The following CDH19 variants were observed in gnomAD, a reference collection of about 807,000 sequenced individuals.
The protein encoded by CDH19 is cadherin 19.
In CDH19, 67 loss-of-function variants were observed where a neutral mutation model predicts 64.2. The observed-to-expected ratio is 1.04, with a 90% CI of 0.86 to 1.28. The LOEUF (loss-of-function observed/expected upper bound fraction) is 1.28. Among genes scored for constraint, CDH19 ranks in the 50% most tolerant of loss-of-function variants. The pLI, the probability that CDH19 is intolerant of heterozygous loss-of-function variation, is 0.00. For synonymous variants in CDH19, 346 were observed against 319.3 expected (o/e 1.08, Z -0.89); for missense variants, 1,030 against 929.0 (o/e 1.11, Z -1.41).
chr18:66,561,050 T>A (rs1231000758), intron 3 of CDH19, among the ~76,000 whole-genome samples: 3 of 152,048 alleles, frequency 2.0e-5, no homozygotes, highest in African/African-American at 7.2e-5. Flanking sequence ...GTTTCTTAGT[T>A]TAACTATTTT....
chr18:66,586,743 GA>G (rs1988590631), intron 1 of CDH19, among the ~76,000 whole-genome samples: 1 of 151,902 alleles, frequency 6.6e-6, no homozygotes, highest in African/African-American at 2.4e-5. Flanking sequence ...GTATTTTTGT[GA>G]ATTTATTTAA....
rs774239132 is a variant in CDH19 at position 66,544,167 on chromosome 18, G to A, written c.1018C>T (p.His340Tyr). Residue 340 changes from histidine (H) to tyrosine (Y), a missense_variant, in exon 7 of 12, where the codon CAT (histidine) becomes TAT (tyrosine). His to Tyr is a moderately conservative substitution (Grantham distance 83). Transcript: ENST00000262150. ...YGIRAKVKNH[H>Y]VPEQLMKYHT... ...TACTTCATGAGCTGCTCAGGAACAT[G>A]ATGGTTTTTAACTTTTGCTCTAATA... The A allele has an allele frequency of 3.7e-6, 6 of 1,613,804 alleles. No individual in the cohort carries two copies. Among genetic ancestry groups the A allele is most frequent in the African/African-American group, 1.3e-5 (1 of 75,040 alleles).
chr18:66,580,970 G>T (rs1285623271), intron 1 of CDH19, among the ~76,000 whole-genome samples: 1 of 151,976 alleles, frequency 6.6e-6, no homozygotes, highest in Admixed American at 6.6e-5. Flanking sequence ...AAACACTCTG[G>T]GCTGAAACCA....
At chr18:66,537,117 C>T (rs1598991914) in intron 7 of CDH19, among the ~76,000 whole-genome samples, 1 of 151,768 alleles carries the variant, frequency 6.6e-6, no homozygotes, top group East Asian at 1.9e-4. Context: ...ATAAATTAAT[C>T]GCTATAATTT....
Position 66,531,999 on chromosome 18 carries a change from TTC to T in CDH19, c.1337-2035_1337-2034del, listed in dbSNP as rs557187413. On this transcript the variant is annotated intron_variant, in intron 8 of 11. Coordinates refer to ENST00000262150, the MANE Select transcript of CDH19 (RefSeq NM_021153.4). ...TGTGTAGGTTTATTGTTTTTAATCT[TTC>T]TCTCTCTCAGGCTGTAGTGCAGTGG... is the stretch of plus-strand genomic sequence containing the variant. Among the ~76,000 whole-genome samples the T allele has an allele frequency of 3.0e-4, 45 of 152,160 alleles. No individual in the cohort carries two copies. The South Asian group carries it at 9.3e-3, about 32-fold the overall frequency.
Position 66,535,090 on chromosome 18 carries a change from C to A in CDH19, c.1232G>T (p.Ser411Ile). ...ATTATCATTGATATTGAACACTTTG[C>A]TCCTAGTAATAGAATACCTGAACCA... Reference protein sequence around the residue: ...KSPIRYSITRSKVFNINDNGT... With the variant: ...KSPIRYSITRIKVFNINDNGT... Residue 411 changes from serine (S) to isoleucine (I), a missense_variant, in exon 8 of 12, where the codon AGC becomes ATC. Physicochemically the swap from Ser to Ile is moderately radical, Grantham distance 142. Transcript: ENST00000262150. 1 of 1,486,166 alleles carries A rather than the reference C, an allele frequency of 6.7e-7. No individual in the cohort carries two copies. Among genetic ancestry groups the A allele is most frequent in the South Asian group, 1.4e-5 (1 of 72,622 alleles). 92.1% of individuals were successfully genotyped at this position (1,486,166 alleles called of 1,614,324 possible).
intron 3 of CDH19, among the ~76,000 whole-genome samples, chr18:66,566,806 A>T (rs1251625413): frequency 6.6e-6 from 1 of 151,870 alleles, no homozygotes; most frequent in Non-Finnish European, 1.5e-5. Flanking sequence ...TTTGCTTAAC[A>T]GTCAAGTCAG....
At chr18:66,594,921 G>T (rs1021969648) in intron 1 of CDH19, among the ~76,000 whole-genome samples, 3 of 150,822 alleles carry the variant, frequency 2.0e-5, no homozygotes, top group African/African-American at 7.3e-5. Flanking sequence ...CGAGTTAGTG[G>T]GTGCAGCGCA....
At chr18:66,513,674 G>A (rs572548214) in intron 9 of CDH19, among the ~76,000 whole-genome samples, 144 of 151,234 alleles carry the variant, frequency 9.5e-4, no homozygotes, top group African/African-American at 3.4e-3. Flanking sequence ...ATGTTGTATT[G>A]GTTGCTATTT....
chr18:66,579,173 C>T (rs557549965), intron 1 of CDH19, among the ~76,000 whole-genome samples: 51 of 151,846 alleles, frequency 3.4e-4, no homozygotes, highest in Admixed American at 1.2e-3. Context: ...AAAATCTTGA[C>T]TTGTCAAAAC....
chr18:66,602,372 G>C (rs1862047800), intron 1 of CDH19, among the ~76,000 whole-genome samples: 1 of 151,892 alleles, frequency 6.6e-6, no homozygotes, highest in South Asian at 2.1e-4. Context: ...ATTCCTGAAA[G>C]ATGGATCTGG....
Position 66,550,190 on chromosome 18 carries a change from A to G in CDH19, c.775+904T>C, listed in dbSNP as rs1987289230. Among the ~76,000 whole-genome samples the G allele has an allele frequency of 4.6e-5, 7 of 152,134 alleles. 1 individual carries two copies. The highest frequency in any genetic ancestry group is 4.4e-5 in the Non-Finnish European group (3 of 68,024). Reference sequence around the variant, plus strand: ...TTATAAATGTATTCCTGTAGCTAAAACAGTATAACCTGAAAAATAAATTTC... The same window carrying G: ...TTATAAATGTATTCCTGTAGCTAAAGCAGTATAACCTGAAAAATAAATTTC... On this transcript the variant is annotated intron_variant, in intron 5 of 11. Coordinates refer to ENST00000262150, the MANE Select transcript of CDH19 (RefSeq NM_021153.4).
At chr18:66,566,912 T>C (rs980489773) in intron 3 of CDH19, among the ~76,000 whole-genome samples, 11 of 151,936 alleles carry the variant, frequency 7.2e-5, no homozygotes, top group African/African-American at 2.4e-4. Context: ...ATGACTTCCA[T>C]ATTGATGTAT....
intron 7 of CDH19, 81 bp downstream of exon 7, chr18:66,543,890 A>C: frequency 1.8e-6 from 2 of 1,104,390 alleles, no homozygotes; most frequent in Non-Finnish European, 2.5e-6. Flanking sequence ...CTCAATTAAA[A>C]AAAAGATTGC....
chr18:66,584,801 T>G (rs1375072645), intron 1 of CDH19, among the ~76,000 whole-genome samples: 1 of 152,138 alleles, frequency 6.6e-6, no homozygotes, highest in Non-Finnish European at 1.5e-5. Context: ...TACAATATTT[T>G]CATGTTTTTC....
In CDH19 at chr18:66,521,211, C is replaced by A. The variant is rs138245665; in HGVS notation, c.1458+8634G>T. ...TGATAAATTTTTTAAATGTTAATTT[C>A]TATGAATGCATATTGTGGAAAATAA... On this transcript the variant is annotated intron_variant, in intron 9 of 11. Transcript: ENST00000262150. Among the ~76,000 whole-genome samples the A allele has an allele frequency of 5.7e-3, 870 of 152,102 alleles. 8 individuals carry two copies. The highest frequency in any genetic ancestry group is 0.02 in the African/African-American group (814 of 41,506).
chr18:66,548,853 G>GT (rs1156536622), intron 5 of CDH19, among the ~76,000 whole-genome samples: 2 of 152,116 alleles, frequency 1.3e-5, no homozygotes, highest in African/African-American at 4.8e-5. Context: ...AAGTGTTTTT[G>GT]TTTTGTCTTG....
chr18:66,585,394 G>A (rs905420670), intron 1 of CDH19, among the ~76,000 whole-genome samples: 1 of 152,016 alleles, frequency 6.6e-6, no homozygotes, highest in Admixed American at 6.6e-5. Context: ...CACATGTGGA[G>A]CAAGGATGGC....
At chr18:66,562,542 G>T (rs1476107477) in intron 3 of CDH19, among the ~76,000 whole-genome samples, 2 of 151,966 alleles carry the variant, frequency 1.3e-5, no homozygotes, top group Non-Finnish European at 2.9e-5. Flanking sequence ...GTGCAGCCCG[G>T]TTCCTAAGAG....
Sources: allele counts gnomAD v4.1 joint callset (sites outside exome capture counted in the v4.1 genomes callset), GRCh38; gene constraint gnomAD v4.1.1; transcripts MANE v1.5; gene names NCBI Gene and HGNC (gene_info 2026-07-23, HGNC 2026-07-21).